Variants in ING5 observed in about 807,000 individuals in gnomAD.
The protein encoded by ING5 is inhibitor of growth protein 5.
A neutral mutation model predicts 37.4 loss-of-function variants in ING5; 17 were observed. That is an observed-to-expected ratio of 0.45 (90% CI 0.31 to 0.68). The LOEUF is 0.68. Among genes scored for constraint, ING5 ranks in the 30% least tolerant of loss-of-function variants. The pLI, the probability that ING5 is intolerant of heterozygous loss-of-function variation, is 0.05. For synonymous variants in ING5, 123 were observed against 116.6 expected (o/e 1.06, Z -0.36); for missense variants, 233 against 311.9 (o/e 0.75, Z 1.91).
intron 2 of ING5, among the ~76,000 whole-genome samples, chr2:241,691,221 T>A (rs1202281343): frequency 6.7e-6 from 1 of 150,300 alleles, no homozygotes; most frequent in African/African-American, 2.4e-5. Flanking sequence ...GGTGAATCAT[T>A]TGAGGTCAGG....
rs1236648271 is a variant in ING5, at chr2:241,727,758, T to C, written c.*2727T>C. ...AATTTTTCAGAAATGAATTTGATAT[T>C]GCGCTCCACCTTTGAGCTGTTCACA... On this transcript the variant is annotated 3_prime_UTR_variant, in exon 8 of 8. Transcript: ENST00000313552. 1.3e-5 allele frequency: 2 copies of C among 152,252 alleles called. No homozygotes were observed. The highest frequency in any genetic ancestry group is 2.9e-5 in the Non-Finnish European group (2 of 68,052). 9.4% of individuals were successfully genotyped at this position (152,252 alleles called of 1,614,324 possible). A position where few individuals can be genotyped will look rare whatever the true frequency, so the allele number is the denominator to read the frequency against.
rs1376258246 is a variant in ING5 at position 241,726,322 on chromosome 2, AC to A, written c.*1292del. On this transcript the variant is annotated 3_prime_UTR_variant, in exon 8 of 8. Coordinates refer to ENST00000313552, the MANE Select transcript of ING5 (RefSeq NM_032329.6). ...GGGGGCCATTTGGAATGACAGCCTC[AC>A]TTCCTTCTGATGGCTACATCTGTAT... 22 of 152,172 alleles carry A rather than the reference AC, an allele frequency of 1.4e-4. No individual in the cohort carries two copies. Among genetic ancestry groups the A allele is most frequent in the Admixed American group, 1.2e-3 (19 of 15,278 alleles). The allele number at this position is 152,172 out of a possible 1,614,324, so 9.4% of individuals were successfully genotyped here.
At chr2:241,705,394 C>CTTTTT (rs774566608) in intron 2 of ING5, among the ~76,000 whole-genome samples, 4,639 of 116,510 alleles carry the variant, frequency 0.04, 179 homozygotes, top group East Asian at 0.08. Flanking sequence ...CTGTTTTTTT[C>CTTTTT]TTTTTTTTTT....
At chr2:241,712,624 C>T (rs891279569) in intron 5 of ING5, among the ~76,000 whole-genome samples, 2 of 152,042 alleles carry the variant, frequency 1.3e-5, no homozygotes, top group Non-Finnish European at 2.9e-5. Flanking sequence ...TGTTGTATAC[C>T]CTCCAAAGAG....
At chr2:241,698,036 T>C (rs1210867030), upstream of ING5, among the ~76,000 whole-genome samples, 2 of 147,154 alleles carry the variant, frequency 1.4e-5, no homozygotes, top group East Asian at 4.0e-4. Flanking sequence ...TAAGCCAAGA[T>C]TGCACCATTG....
At chr2:241,687,302 C>A (rs1478707093) in exon 1 of ING5, 9 of 398,496 alleles carry the variant, frequency 2.3e-5, no homozygotes, top group Admixed American at 1.8e-4. Context: ...CTTCCCGAAG[C>A]GCGGGGCCCA....
At chr2:241,699,100 C>T (rs2069676657), upstream of ING5, among the ~76,000 whole-genome samples, 1 of 151,234 alleles carries the variant, frequency 6.6e-6, no homozygotes, top group African/African-American at 2.4e-5. Context: ...CCTCAGCTGA[C>T]TGCATCCTCT....
Position 241,726,832 on chromosome 2 carries a change from T to C in ING5, c.*1801T>C, listed in dbSNP as rs1034626197. 6.6e-6 allele frequency: 1 copy of C among 152,312 alleles called. No individual in the cohort carries two copies. The highest frequency in any genetic ancestry group is 2.4e-5 in the African/African-American group (1 of 41,448). The allele number at this position is 152,312 out of a possible 1,614,324, so 9.4% of individuals were successfully genotyped here. A position where few individuals can be genotyped will look rare whatever the true frequency, so the allele number is the denominator to read the frequency against. On this transcript the variant is annotated 3_prime_UTR_variant, in exon 8 of 8. Coordinates refer to ENST00000313552, the MANE Select transcript of ING5 (RefSeq NM_032329.6). ...TTTTTTGAGACGGAGTCTTGCTCTG[T>C]CACCCAGGCTGGAGAGCAGTGGCGT...
At chr2:241,697,085 AAAT>A (rs1033651009), upstream of ING5, among the ~76,000 whole-genome samples, 5 of 151,184 alleles carry the variant, frequency 3.3e-5, no homozygotes, top group Admixed American at 6.6e-5. Context: ...CTCCGTTTCA[AAAT>A]AATAATAATA....
Position 241,721,750 on chromosome 2 carries a change from G to A in ING5, c.483-1189G>A, listed in dbSNP as rs1293434532. The stretch of plus-strand genomic sequence containing the variant: ...TGGGAATACACTGTCTATAGTACCT[G>A]CAGCTTGTAAGTTTATTTGAAAAAT... On this transcript the variant is annotated intron_variant, in intron 5 of 7. Transcript: ENST00000313552. 3 of 985,328 alleles carry A rather than the reference G, an allele frequency of 3.0e-6. No individual in the cohort carries two copies. In the Admixed American group the frequency reaches 1.8e-4, roughly 61 times the overall value. The allele number at this position is 985,328 out of a possible 1,614,324, so 61.0% of individuals were successfully genotyped here. A position where few individuals can be genotyped will look rare whatever the true frequency, so the allele number is the denominator to read the frequency against.
intron 2 of ING5, among the ~76,000 whole-genome samples, chr2:241,692,333 C>G (rs2069568709): frequency 6.6e-6 from 1 of 151,648 alleles, no homozygotes; most frequent in South Asian, 2.1e-4. Flanking sequence ...TTTTTAGAGA[C>G]AGGGTCTCAC....
chr2:241,702,907 G>C (rs571461648), intron 1 of ING5, among the ~76,000 whole-genome samples: 1 of 152,352 alleles, frequency 6.6e-6, no homozygotes, highest in South Asian at 2.1e-4. Flanking sequence ...GTGCCGGGTG[G>C]CTCTGGAGGG....
At chr2:241,720,840 G>A (rs2070412950) in intron 5 of ING5, 1 of 985,656 alleles carries the variant, frequency 1.0e-6, no homozygotes, top group Non-Finnish European at 1.2e-6. Context: ...CCTCCCTCAG[G>A]GCTGATAGCA....
rs781487506 is a variant in ING5 at position 241,723,840 on chromosome 2, A to G, written c.680+569A>G. The G allele has an allele frequency of 6.4e-6, 10 of 1,570,486 alleles. No individual in the cohort carries two copies. In the East Asian group the frequency reaches 6.7e-5, roughly 11 times the overall value. On this transcript the variant is annotated intron_variant, in intron 7 of 7. Transcript: ENST00000313552. ...GTCTGGGCAACATCGGGAGACCCCAACTCTACAAAAAATACAAAAATTAGC... is the reference window on the plus strand; with the variant it reads ...GTCTGGGCAACATCGGGAGACCCCAGCTCTACAAAAAATACAAAAATTAGC...
chr2:241,702,048 G>C lies in ING5; in HGVS notation c.-18G>C. 1.4e-6 allele frequency: 2 copies of C among 1,383,214 alleles called. No homozygotes were observed. The highest frequency in any genetic ancestry group is 1.5e-5 in the South Asian group (1 of 67,372). 85.7% of individuals were successfully genotyped at this position (1,383,214 alleles called of 1,614,324 possible). On this transcript the variant is annotated 5_prime_UTR_variant, in exon 1 of 8. Coordinates refer to ENST00000313552, the MANE Select transcript of ING5 (RefSeq NM_032329.6). ...CACCGCCCGCCCGCGCAGACCCCGAGCGCGGCCGCGGACGAAGATGGCGAC... is the reference window on the plus strand; with the variant it reads ...CACCGCCCGCCCGCGCAGACCCCGACCGCGGCCGCGGACGAAGATGGCGAC...
chr2:241,723,401 GC>G, intron 7 of ING5, 130 bp downstream of exon 7: 1 of 988,700 alleles, frequency 1.0e-6, no homozygotes. Flanking sequence ...ACGTAGGCAT[GC>G]CCCACTGTGG....
In ING5 at chr2:241,723,950, C is replaced by G. The variant is rs1245294737; in HGVS notation, c.680+679C>G. 5 of 1,264,916 alleles carry G rather than the reference C, an allele frequency of 4.0e-6. No homozygotes were observed. The East Asian group carries it at 9.9e-5, about 25-fold the overall frequency. The allele number at this position is 1,264,916 out of a possible 1,614,324, so 78.4% of individuals were successfully genotyped here. ...GCTTGAGCCTGGAAGTCCGAGGCTT[C>G]AGTGAGCTGAGATCGCGCCACTGCA... is the stretch of plus-strand genomic sequence containing the variant. On this transcript the variant is annotated intron_variant, in intron 7 of 7. Coordinates refer to ENST00000313552, the MANE Select transcript of ING5 (RefSeq NM_032329.6).
upstream of ING5, among the ~76,000 whole-genome samples, chr2:241,698,167 C>T (rs1016642179): frequency 1.3e-5 from 2 of 149,058 alleles, no homozygotes; most frequent in African/African-American, 2.5e-5. Context: ...GTATCGGGCC[C>T]GCCGTGGTGG....
chr2:241,693,906 G>A (rs1212651828), intron 2 of ING5, among the ~76,000 whole-genome samples: 2 of 150,910 alleles, frequency 1.3e-5, no homozygotes, highest in African/African-American at 2.4e-5. Context: ...TGATCCACCC[G>A]CCTTGGCCTC....
Sources: gnomAD v4.1 joint callset for allele counts (sites outside exome capture counted in the v4.1 genomes callset) on GRCh38, gnomAD v4.1.1 for gene constraint, MANE v1.5 for transcripts, NCBI Gene and HGNC (gene_info 2026-07-23, HGNC 2026-07-21) for gene names.